The following ANO4 variants were observed in gnomAD, a reference collection of about 807,000 sequenced individuals.
ANO4 encodes the protein anoctamin 4, also known as anoctamin-4.
ANO4 carries 69 observed loss-of-function variants against 141.9 expected under a neutral mutation model. The observed-to-expected ratio is 0.49, with a 90% CI of 0.40 to 0.59. The LOEUF (loss-of-function observed/expected upper bound fraction) is 0.59, where lower values mean the gene tolerates loss of function less well. Among genes scored for constraint, ANO4 ranks in the 20% least tolerant of loss-of-function variants. The probability of loss-of-function intolerance (pLI) is 0.00; values close to 1 mark genes in which losing one functional copy is unlikely to be tolerated. For missense variants in ANO4, 894 were observed against 1,162.2 expected, an observed-to-expected ratio of 0.77 and a Z score of 3.36; for synonymous variants, 350 against 394.3, an observed-to-expected ratio of 0.89 and a Z score of 1.33.
At chr12:100,836,872 T>C (rs2135793518) in intron 1 of ANO4, among the ~76,000 whole-genome samples, 1 of 152,236 alleles carries the variant, frequency 6.6e-6, no homozygotes, top group Non-Finnish European at 1.5e-5. Context: ...TCCAGGTTCC[T>C]GTGGATGAAC....
At chr12:100,772,203 T>G (rs1189037749) in intron 3 of ANO4, among the ~76,000 whole-genome samples, 2 of 152,194 alleles carry the variant, frequency 1.3e-5, no homozygotes, top group Non-Finnish European at 2.9e-5. Context: ...TGAGGAAGCA[T>G]GACATGGGAC....
intron 3 of ANO4, among the ~76,000 whole-genome samples, chr12:100,772,712 C>T (rs763521788): frequency 2.0e-5 from 3 of 152,180 alleles, no homozygotes; most frequent in Non-Finnish European, 4.4e-5. Context: ...AATCATATTG[C>T]CATGGTGACC....
intron 1 of ANO4, among the ~76,000 whole-genome samples, chr12:100,848,451 A>G (rs893459161): frequency 3.3e-5 from 5 of 152,226 alleles, no homozygotes; most frequent in African/African-American, 1.2e-4. Context: ...TCTGGGACCC[A>G]TGCCCAAAAA....
At chr12:100,918,142 C>T (rs923763567) in intron 2 of ANO4, among the ~76,000 whole-genome samples, 13 of 152,140 alleles carry the variant, frequency 8.5e-5, no homozygotes, top group African/African-American at 1.7e-4. Context: ...GCCTGTGAAA[C>T]ATGGAAATAC....
chr12:101,010,403 G>A (rs558848188), intron 8 of ANO4, among the ~76,000 whole-genome samples: 3 of 152,240 alleles, frequency 2.0e-5, no homozygotes, highest in African/African-American at 7.2e-5. Context: ...TTACATTTCA[G>A]TAACCTGTCA....
intron 3 of ANO4, among the ~76,000 whole-genome samples, chr12:100,768,708 C>T (rs1236417069): frequency 6.6e-6 from 1 of 152,156 alleles, no homozygotes; most frequent in African/African-American, 2.4e-5. Flanking sequence ...AAATGCCATA[C>T]TTTTATGTTA....
intron 13 of ANO4, among the ~76,000 whole-genome samples, chr12:101,045,923 C>T (rs1200384808): frequency 1.3e-5 from 2 of 152,214 alleles, no homozygotes; most frequent in Non-Finnish European, 2.9e-5. Context: ...TGCTGCCACA[C>T]TGTGTCTATG....
At chr12:101,075,312 C>G (rs558024763) in intron 14 of ANO4, among the ~76,000 whole-genome samples, 51 of 152,256 alleles carry the variant, frequency 3.3e-4, no homozygotes, top group African/African-American at 1.2e-3. Flanking sequence ...ATGAGCTTTG[C>G]ATCGTGAGCT....
chr12:101,078,691 G>A (rs933484542), intron 14 of ANO4, among the ~76,000 whole-genome samples: 1 of 152,168 alleles, frequency 6.6e-6, no homozygotes, highest in African/African-American at 2.4e-5. Context: ...GGTATTTGCT[G>A]TGAGGAGGAT....
intron 2 of ANO4, among the ~76,000 whole-genome samples, chr12:100,903,956 GCTGTTTCATGC>G (rs781087060): frequency 2.0e-5 from 3 of 152,204 alleles, no homozygotes; most frequent in Non-Finnish European, 2.9e-5. Context: ...AATATGTGAT[GCTGTTTCATGC>G]CTCCCAACCT....
At chr12:100,830,971 C>T (rs1258626620) in intron 1 of ANO4, among the ~76,000 whole-genome samples, 2 of 151,846 alleles carry the variant, frequency 1.3e-5, no homozygotes, top group African/African-American at 2.4e-5. Context: ...TAAGCTAGAC[C>T]CATTCCTCAG....
At chr12:101,072,713 G>C (rs989982125) in intron 14 of ANO4, among the ~76,000 whole-genome samples, 2 of 151,710 alleles carry the variant, frequency 1.3e-5, no homozygotes, top group African/African-American at 4.9e-5. Context: ...CTAATATCCA[G>C]AATCTACAAA....
intron 3 of ANO4, among the ~76,000 whole-genome samples, chr12:100,756,639 C>T (rs566167881): frequency 2.0e-5 from 3 of 152,270 alleles, no homozygotes; most frequent in South Asian, 2.1e-4. Context: ...TGAGCCACTG[C>T]GCCCGGCCTC....
At chr12:100,962,787 A>T (rs1454832879) in intron 5 of ANO4, among the ~76,000 whole-genome samples, 2 of 152,160 alleles carry the variant, frequency 1.3e-5, no homozygotes, top group Non-Finnish European at 2.9e-5. Context: ...CTCTTTTTTA[A>T]GGACTCATCT....
intron 22 of ANO4, 69 bp downstream of exon 22, chr12:101,099,789 T>C (rs1361815968): frequency 7.8e-5 from 102 of 1,315,962 alleles, no homozygotes; most frequent in Non-Finnish European, 9.6e-5. Context: ...CAACTAAACA[T>C]ATACCCGTTA....
intron 1 of ANO4, among the ~76,000 whole-genome samples, chr12:100,881,617 T>C (rs1001046800): frequency 1.3e-5 from 2 of 152,192 alleles, no homozygotes; most frequent in African/African-American, 4.8e-5. Context: ...GAAATTGTTG[T>C]GTGATCTTGA....
chr12:100,864,857 G>T (rs1469478375), intron 1 of ANO4, among the ~76,000 whole-genome samples: 1 of 152,006 alleles, frequency 6.6e-6, no homozygotes, highest in African/African-American at 2.4e-5. Flanking sequence ...ACCCTGACAG[G>T]CCCCAGTGTG....
At chr12:100,854,891 G>T (rs1227256964) in intron 1 of ANO4, among the ~76,000 whole-genome samples, 1 of 152,134 alleles carries the variant, frequency 6.6e-6, no homozygotes, top group Non-Finnish European at 1.5e-5. Context: ...TTGAGGAGGG[G>T]ATTCCATGTG....
chr12:100,786,313 T>C (rs1440652169), intron 3 of ANO4, among the ~76,000 whole-genome samples: 1 of 152,164 alleles, frequency 6.6e-6, no homozygotes, highest in Non-Finnish European at 1.5e-5. Context: ...TCCACTTCTT[T>C]GGATGCACTA....
Sources: allele counts gnomAD v4.1 joint callset (sites outside exome capture counted in the v4.1 genomes callset), GRCh38; gene constraint gnomAD v4.1.1; transcripts MANE v1.5; gene names NCBI Gene and HGNC (gene_info 2026-07-23, HGNC 2026-07-21).